The following DISP3 variants were observed in gnomAD, a reference collection of about 807,000 sequenced individuals.
DISP3 encodes dispatched RND transporter family member 3.
DISP3 carries 101 observed loss-of-function variants against 135.3 expected under a neutral mutation model. The observed-to-expected ratio is 0.75, with a 90% CI of 0.64 to 0.88. The LOEUF (loss-of-function observed/expected upper bound fraction) is 0.88. DISP3 is among the 40% of genes least tolerant of loss of function. DISP3 has a pLI of 0.00. For missense variants in DISP3, 1,713 were observed against 1,878.6 expected (o/e 0.91, Z 1.63); for synonymous variants, 856 against 817.0 (o/e 1.05, Z -0.81).
intron 3 of DISP3, among the ~76,000 whole-genome samples, chr1:11,504,107 A>G (rs1202681288): frequency 2.6e-5 from 4 of 152,190 alleles, no homozygotes; most frequent in Non-Finnish European, 5.9e-5. Flanking sequence ...TATCCTTTAT[A>G]TTGAGCAACT....
Position 11,536,609 on chromosome 1 carries a change from GC to G in DISP3, c.4105del (p.Leu1369TrpfsTer156). On this transcript the variant is annotated frameshift_variant, in exon 21 of 21. Transcript: ENST00000294484. LOFTEE classifies it high-confidence loss of function. This position sits in a 1 kb window ranked among gnomAD's most constrained non-coding sequence, Gnocchi z 4.3. Reference sequence around the variant, plus strand: ...CCTGGGTGCCGTGCTGCTGGCAGGGGCCCTGGGGCTGGGTGCCTGCCTCGTG... The same window carrying G: ...CCTGGGTGCCGTGCTGCTGGCAGGGGCCTGGGGCTGGGTGCCTGCCTCGTG... ...KALGAVLLAG[A>X]LGLGACLVLL... is the part of the protein sequence containing the mutation. 1.2e-6 allele frequency: 2 copies of G among 1,610,200 alleles called. No homozygotes were observed.
chr1:11,529,929 G>T lies in DISP3; in HGVS notation c.3072G>T (p.Arg1024=). 1 of 1,613,650 alleles carries T rather than the reference G, an allele frequency of 6.2e-7. No individual in the cohort carries two copies. The highest frequency in any genetic ancestry group is 8.5e-7 in the Non-Finnish European group (1 of 1,180,022). ...GCATTATTGGCGTCAACCGCACTCG[G>T]CAGGTGGACAACCACGTCATTGGAG... The part of the protein sequence containing the change: ...VFGIIGVNRT[R]QVDNHVIGDP... Residue 1024 remains arginine (R), a synonymous_variant, in exon 15 of 21, where the codon CGG becomes CGT. Transcript: ENST00000294484. The surrounding 1 kb of genome is among the most constrained non-coding windows in gnomAD (Gnocchi z 4.7).
intron 1 of DISP3, among the ~76,000 whole-genome samples, chr1:11,500,764 A>G (rs772375245): frequency 6.6e-6 from 1 of 152,234 alleles, no homozygotes; most frequent in South Asian, 2.1e-4. Flanking sequence ...CTCAAAAGCC[A>G]AGACCCAAAA....
Position 11,501,766 on chromosome 1 carries a change from C to T in DISP3, c.774C>T (p.Tyr258=), listed in dbSNP as rs982389993. Residue 258 remains tyrosine, a synonymous_variant, in exon 2 of 21, where the codon TAC becomes TAT. Transcript: ENST00000294484. This position sits in a 1 kb window ranked among gnomAD's most constrained non-coding sequence, Gnocchi z 4.9. ...RARRGASRWD[Y]SRAYVSANTQ... ...GCCGAGGCGCCTCGCGCTGGGACTA[C>T]TCGCGCGCCTATGTGAGTGCCAACA... The T allele has an allele frequency of 1.3e-6, 2 of 1,593,744 alleles. No individual in the cohort carries two copies. The highest frequency in any genetic ancestry group is 2.2e-5 in the South Asian group (2 of 89,142).
intron 10 of DISP3, among the ~76,000 whole-genome samples, chr1:11,522,050 T>C (rs994115725): frequency 1.3e-5 from 2 of 152,090 alleles, no homozygotes; most frequent in East Asian, 1.9e-4. Flanking sequence ...GTGGTTTCCA[T>C]AGGACTTGGT....
In DISP3 at chr1:11,519,021, C is replaced by T. The variant is rs1642092640; in HGVS notation, c.1890-334C>T. The stretch of plus-strand genomic sequence containing the variant: ...GCTCCCCTGAGTATTAAGTTGGAGG[C>T]AGAGCCCCTGGGCCACACAGCAGCA... On this transcript the variant is annotated intron_variant, in intron 7 of 20. Coordinates refer to ENST00000294484, the MANE Select transcript of DISP3 (RefSeq NM_020780.2). The surrounding 1 kb of genome is among the most constrained non-coding windows in gnomAD (Gnocchi z 4.3). Among the ~76,000 whole-genome samples the T allele has an allele frequency of 6.6e-6, 1 of 152,166 alleles. No homozygotes were observed. Among genetic ancestry groups the T allele is most frequent in the Non-Finnish European group, 1.5e-5 (1 of 68,026 alleles).
In DISP3 at chr1:11,535,633, C is replaced by A. The variant is rs374112927; in HGVS notation, c.3805C>A (p.His1269Asn). The part of the protein sequence containing the change: ...YLLAGENLPP[H>N]QAEDARTQRQ... Reference sequence around the variant, plus strand: ...GCTGGCTGGAGAGAACCTGCCCCCCCACCAGGCCGAGGTGCGCACCCTGCC... The same window carrying A: ...GCTGGCTGGAGAGAACCTGCCCCCCAACCAGGCCGAGGTGCGCACCCTGCC... The change falls in exon 20 of 21, where the codon CAC (histidine) becomes AAC (asparagine). Residue 1269 changes from histidine (H) to asparagine (N), a missense_variant. By Grantham distance (68) the His-to-Asn change is moderately conservative. Around this residue, in one of 2 missense-constraint regions of DISP3, gnomAD observed 1,142 missense variants for 1,384.6 expected, o/e 0.82. Coordinates refer to ENST00000294484, the MANE Select transcript of DISP3 (RefSeq NM_020780.2). 35 of 1,612,036 alleles carry A rather than the reference C, an allele frequency of 2.2e-5. No individual in the cohort carries two copies. Among genetic ancestry groups the A allele is most frequent in the Non-Finnish European group, 2.5e-5 (30 of 1,179,652 alleles).
At position 11,499,896 on chromosome 1, in the gene DISP3, C is replaced by T. The variant is rs1315733219; in HGVS notation, c.-3-1094C>T. ...AGGAAAGGCAGCATTAATTAGCTAG[C>T]GCTAGCACAATTAGCTTCCTCCTCT... is the stretch of plus-strand genomic sequence containing the variant. On this transcript the variant is annotated intron_variant, in intron 1 of 20. Transcript: ENST00000294484. This position sits in a 1 kb window ranked among gnomAD's most constrained non-coding sequence, Gnocchi z 5.2. Among the ~76,000 whole-genome samples the T allele has an allele frequency of 6.6e-6, 1 of 152,248 alleles. No individual in the cohort carries two copies. Among genetic ancestry groups the T allele is most frequent in the African/African-American group, 2.4e-5 (1 of 41,474 alleles).
At chr1:11,494,614 A>G (rs139642082) in intron 1 of DISP3, among the ~76,000 whole-genome samples, 26 of 152,286 alleles carry the variant, frequency 1.7e-4, no homozygotes, top group Non-Finnish European at 2.9e-4. Context: ...TCAACTCAAA[A>G]TAACTCATTT....
chr1:11,517,750 C>T (rs548513945), intron 7 of DISP3, 148 bp downstream of exon 7: 180 of 1,078,492 alleles, frequency 1.7e-4, no homozygotes, highest in Middle Eastern at 3.1e-4. Context: ...TGCTTCCATC[C>T]AATAACTGCA....
intron 1 of DISP3, among the ~76,000 whole-genome samples, chr1:11,479,981 A>G (rs1282476267): frequency 2.0e-5 from 3 of 152,138 alleles, no homozygotes; most frequent in Non-Finnish European, 1.5e-5. Context: ...CTCTGCCGAG[A>G]ACGCGAACGA....
At chr1:11,534,955 C>G (rs996616944) in intron 18 of DISP3, 56 bp from the exon 19 acceptor site, 7 of 1,450,740 alleles carry the variant, frequency 4.8e-6, no homozygotes, top group African/African-American at 1.4e-5. Flanking sequence ...CCCAGCAGCA[C>G]AGCTTGCTGC....
rs2076468 is a variant in DISP3 at position 11,529,854 on chromosome 1, G to T, written c.2997G>T (p.Pro999=). 1 of 1,613,926 alleles carries T rather than the reference G, an allele frequency of 6.2e-7. No homozygotes were observed. Among genetic ancestry groups the T allele is most frequent in the Non-Finnish European group, 8.5e-7 (1 of 1,180,008 alleles). The change falls in exon 15 of 21, where the codon CCG becomes CCT. Residue 999 remains proline, a synonymous_variant. Coordinates refer to ENST00000294484, the MANE Select transcript of DISP3 (RefSeq NM_020780.2). This position sits in a 1 kb window ranked among gnomAD's most constrained non-coding sequence, Gnocchi z 4.7. The stretch of plus-strand genomic sequence containing the variant: ...GCGTGAACACGGGCTGCGGGAAGCC[G>T]GCGGTGCGGCCACTAGTGGATACCG... The part of the protein sequence containing the change: ...NPCVNTGCGK[P]AVRPLVDTGA...
intron 1 of DISP3, among the ~76,000 whole-genome samples, chr1:11,500,189 C>G (rs888188644): frequency 2.6e-5 from 4 of 152,228 alleles, no homozygotes; most frequent in Admixed American, 1.3e-4. Context: ...GCCTGACAAA[C>G]AGTGCTGCAG....
At position 11,479,166 on chromosome 1, in the gene DISP3, T is replaced by C. The variant is rs7547715; in HGVS notation, c.-210T>C. ...GGAGCGGAGTGCTCGGGTTGCGAGC[T>C]GAGGACTGGGATTCGCGCGCAGCTT... is the stretch of plus-strand genomic sequence containing the variant. On this transcript the variant is annotated 5_prime_UTR_variant, in exon 1 of 21. Coordinates refer to ENST00000294484, the MANE Select transcript of DISP3 (RefSeq NM_020780.2). 0.036 allele frequency: 5,573 copies of C among 156,214 alleles called. 312 individuals are homozygous for C. Among genetic ancestry groups the C allele is most frequent in the African/African-American group, 0.13 (5,272 of 41,544 alleles). The allele number at this position is 156,214 out of a possible 1,614,324, so 9.7% of individuals were successfully genotyped here. A position where few individuals can be genotyped will look rare whatever the true frequency, so the allele number is the denominator to read the frequency against.
chr1:11,524,082 A>G, intron 11 of DISP3, 27 bp downstream of exon 11: 1 of 1,519,508 alleles, frequency 6.6e-7, no homozygotes, highest in Non-Finnish European at 9.1e-7. Context: ...GAGGGTGGGG[A>G]AATCCTCCCT....
chr1:11,533,138 C>T (rs1299876822), intron 17 of DISP3, among the ~76,000 whole-genome samples: 1 of 151,990 alleles, frequency 6.6e-6, no homozygotes, highest in Non-Finnish European at 1.5e-5. Flanking sequence ...CTAACTCCCC[C>T]TCTCCCCCTC....
At position 11,524,023 on chromosome 1, in the gene DISP3, C is replaced by A; in HGVS notation, c.2444C>A (p.Pro815His). The change falls in exon 11 of 21, where the codon CCC (proline) becomes CAC (histidine). Residue 815 changes from proline (P) to histidine (H), a missense_variant. By Grantham distance (77) the Pro-to-His change is moderately conservative. Coordinates refer to ENST00000294484, the MANE Select transcript of DISP3 (RefSeq NM_020780.2). ...LEKKRRGSGV[P>H]WASRPEATLQ... Reference sequence around the variant, plus strand: ...AAGAAGAGGCGAGGCTCAGGGGTCCCCTGGGCTAGCCGGCCTGAGGCCACC... The same window carrying A: ...AAGAAGAGGCGAGGCTCAGGGGTCCACTGGGCTAGCCGGCCTGAGGCCACC... The A allele has an allele frequency of 6.2e-7, 1 of 1,613,136 alleles. No homozygotes were observed.
At chr1:11,486,894 G>T (rs1641052026) in intron 1 of DISP3, among the ~76,000 whole-genome samples, 1 of 152,158 alleles carries the variant, frequency 6.6e-6, no homozygotes, top group African/African-American at 2.4e-5. Context: ...GCCCAGGCTG[G>T]TCTTGAACTC....
Sources: allele counts gnomAD v4.1 joint callset (sites outside exome capture counted in the v4.1 genomes callset), GRCh38; gene constraint gnomAD v4.1.1; regional missense constraint gnomAD v4.1.1; non-coding constraint Gnocchi (gnomAD v3.1); transcripts MANE v1.5; gene names NCBI Gene and HGNC (gene_info 2026-07-23, HGNC 2026-07-21).